MEF2C: variants seen among roughly 807,000 people sequenced by gnomAD.
MEF2C encodes the protein myocyte enhancer factor 2C, also known as myocyte-specific enhancer factor 2C.
MEF2C carries 6 observed loss-of-function variants against 50.5 expected under a neutral mutation model. The observed-to-expected ratio is 0.12, with a 90% CI of 0.07 to 0.23. The LOEUF (loss-of-function observed/expected upper bound fraction) is 0.23. MEF2C is among the 10% of genes least tolerant of loss of function. The probability of loss-of-function intolerance (pLI) is 1.00; values close to 1 mark genes in which losing one functional copy is unlikely to be tolerated. For synonymous variants in MEF2C, 183 were observed against 228.0 expected (o/e 0.80, Z 1.78); for missense variants, 276 against 605.0 (o/e 0.46, Z 5.70).
rs111925303 is a variant in MEF2C at position 88,899,935 on chromosome 5, A to G, written c.-240+3981T>C. 3.2e-3 allele frequency among the ~76,000 whole-genome samples: 493 copies of G among 152,228 alleles called. 4 individuals are homozygous for G. Among genetic ancestry groups the G allele is most frequent in the African/African-American group, 0.012 (482 of 41,540 alleles). On this transcript the variant is annotated intron_variant, in intron 1 of 11. Coordinates refer to the MEF2C transcript ENST00000340208. ...TTTTAGATCAATCCCTTGCAGGGGA[A>G]CCCTAGCCACAATTTCCCTCCATAT... is the stretch of plus-strand genomic sequence containing the variant.
chr5:88,865,639 A>C (rs1245925565), intron 1 of MEF2C, among the ~76,000 whole-genome samples: 1 of 152,190 alleles, frequency 6.6e-6, no homozygotes, highest in Non-Finnish European at 1.5e-5. Flanking sequence ...TTACAGTTAG[A>C]AGATTCCAAA....
intron 6 of MEF2C, among the ~76,000 whole-genome samples, chr5:88,747,339 T>A (rs1255870474): frequency 7.5e-5 from 1 of 13,308 alleles, no homozygotes; most frequent in South Asian, 4.0e-3. Context: ...ACTACTTTTT[T>A]TTTTTTTTTT....
At chr5:88,736,047 T>C in intron 6 of MEF2C, 1 of 985,454 alleles carries the variant, frequency 1.0e-6, no homozygotes, top group Non-Finnish European at 1.2e-6. Context: ...CATTTTTTAA[T>C]CTACCAAACT....
In MEF2C at chr5:88,842,275, G is replaced by C. The variant is rs1817653066; in HGVS notation, c.-142-18345C>G. On this transcript the variant is annotated intron_variant, in intron 1 of 10. Coordinates refer to ENST00000504921, the MANE Select transcript of MEF2C (RefSeq NM_002397.5). ...CTGTATTTGGGTGCTACAATATTAA[G>C]AATCCGGCCAATCACCAGGTTTGAT... 2.0e-5 allele frequency among the ~76,000 whole-genome samples: 3 copies of C among 152,022 alleles called. No homozygotes were observed. The South Asian group carries it at 6.2e-4, about 32-fold the overall frequency.
chr5:88,831,081 TTA>T (rs1252269049), intron 1 of MEF2C, among the ~76,000 whole-genome samples: 1 of 152,072 alleles, frequency 6.6e-6, no homozygotes, highest in Non-Finnish European at 1.5e-5. Flanking sequence ...TAGAAAAAAA[TTA>T]TGTTCGTTAT....
intron 1 of MEF2C, among the ~76,000 whole-genome samples, chr5:88,869,262 T>TAC (rs1311815156): frequency 1.4e-5 from 1 of 72,980 alleles, no homozygotes; most frequent in Non-Finnish European, 2.5e-5. Context: ...CATATATATA[T>TAC]ATATATATAT....
At chr5:88,751,349 C>A (rs1380120691) in intron 5 of MEF2C, 1 of 985,376 alleles carries the variant, frequency 1.0e-6, no homozygotes, top group South Asian at 4.7e-5. Context: ...ACATGTCTTA[C>A]AAATGATGCT....
intron 2 of MEF2C, among the ~76,000 whole-genome samples, chr5:88,823,424 GT>G (rs1208681451): frequency 6.6e-6 from 1 of 151,942 alleles, no homozygotes; most frequent in Admixed American, 6.6e-5. Context: ...TGCGTGCAAT[GT>G]AGCAATGTTA....
chr5:88,870,059 C>T (rs1263735784), intron 1 of MEF2C, among the ~76,000 whole-genome samples: 1 of 151,030 alleles, frequency 6.6e-6, no homozygotes, highest in East Asian at 1.9e-4. Flanking sequence ...GGTAGGTTTG[C>T]TTTTAGTATG....
intron 1 of MEF2C, among the ~76,000 whole-genome samples, chr5:88,897,279 A>C (rs936559314): frequency 6.6e-6 from 1 of 152,238 alleles, no homozygotes; most frequent in African/African-American, 2.4e-5. Context: ...ATGTTCATGC[A>C]TCCACACAGT....
intron 6 of MEF2C, chr5:88,738,933 G>A (rs1765257235): frequency 1.0e-6 from 1 of 983,956 alleles, no homozygotes; most frequent in African/African-American, 1.7e-5. Flanking sequence ...GAACACCAGA[G>A]TAGCTGTTTA....
At chr5:88,784,417 GTATAACA>G (rs1295515568) in intron 3 of MEF2C, among the ~76,000 whole-genome samples, 2 of 152,106 alleles carry the variant, frequency 1.3e-5, no homozygotes, top group Non-Finnish European at 2.9e-5. Context: ...GATAAATTAT[GTATAACA>G]TATAACTGTT....
chr5:88,814,733 T>C (rs1804536161), intron 2 of MEF2C, among the ~76,000 whole-genome samples: 1 of 152,096 alleles, frequency 6.6e-6, no homozygotes, highest in Non-Finnish European at 1.5e-5. Flanking sequence ...AAATCACAGT[T>C]AGATCTAAAT....
At chr5:88,819,206 G>T (rs986968899) in intron 2 of MEF2C, among the ~76,000 whole-genome samples, 1 of 151,842 alleles carries the variant, frequency 6.6e-6, no homozygotes, top group African/African-American at 2.4e-5. Flanking sequence ...GTATAATTGG[G>T]AAAAGTAATG....
chr5:88,832,933 T>C (rs1326907274), intron 1 of MEF2C, among the ~76,000 whole-genome samples: 1 of 152,190 alleles, frequency 6.6e-6, no homozygotes, highest in Non-Finnish European at 1.5e-5. Flanking sequence ...ATCCTAATCA[T>C]ACATTAAAAA....
intron 6 of MEF2C, chr5:88,746,475 G>C (rs1400477407): frequency 1.0e-6 from 1 of 966,500 alleles, no homozygotes; most frequent in Non-Finnish European, 1.2e-6. Context: ...GAGATGACTT[G>C]ATTTAGAAAA....
chr5:88,797,104 G>A (rs1580854682), intron 3 of MEF2C, among the ~76,000 whole-genome samples: 1 of 152,162 alleles, frequency 6.6e-6, no homozygotes, highest in South Asian at 2.1e-4. Context: ...GTCCAACGTT[G>A]ATCTGGGGTA....
intron 1 of MEF2C, among the ~76,000 whole-genome samples, chr5:88,857,910 G>T (rs1248630807): frequency 6.6e-6 from 1 of 152,192 alleles, no homozygotes; most frequent in Non-Finnish European, 1.5e-5. Context: ...GTAGCTGAAT[G>T]TGTGCTTAAA....
chr5:88,778,772 ATCT>A (rs1786206339), intron 3 of MEF2C, among the ~76,000 whole-genome samples: 1 of 152,232 alleles, frequency 6.6e-6, no homozygotes, highest in African/African-American at 2.4e-5. Flanking sequence ...GTAAGATGTG[ATCT>A]TCTAAAGTGA....
Sources: gnomAD v4.1 joint callset for allele counts (sites outside exome capture counted in the v4.1 genomes callset) on GRCh38, gnomAD v4.1.1 for gene constraint, MANE v1.5 for transcripts, NCBI Gene and HGNC (gene_info 2026-07-23, HGNC 2026-07-21) for gene names.